ME1: variants seen among roughly 807,000 people sequenced by gnomAD.
The protein encoded by ME1 is NADP-dependent malic enzyme.
In ME1, 74 loss-of-function variants were observed where a neutral mutation model predicts 66.4. The ratio of observed to expected loss-of-function variants is 1.11; its 90% CI spans 0.92 to 1.35. The LOEUF is 1.35. Ranked by LOEUF, ME1 falls within the 40% of genes most tolerant of loss-of-function variation. ME1 has a pLI of 0.00. For missense variants in ME1, 750 were observed against 694.1 expected (o/e 1.08, Z -0.90); for synonymous variants, 251 against 235.6 (o/e 1.07, Z -0.60).
chr6:83,321,204 G>A (rs1466652957), intron 5 of ME1, among the ~76,000 whole-genome samples: 1 of 152,094 alleles, frequency 6.6e-6, no homozygotes, highest in African/African-American at 2.4e-5. Flanking sequence ...AACAGCCCTG[G>A]GTTTCAAGCA....
chr6:83,276,187 A>C (rs917381650), intron 6 of ME1, among the ~76,000 whole-genome samples: 1 of 152,192 alleles, frequency 6.6e-6, no homozygotes, highest in African/African-American at 2.4e-5. Flanking sequence ...GCAGTTGGCT[A>C]GCATTTAGGT....
intron 6 of ME1, among the ~76,000 whole-genome samples, chr6:83,294,146 G>C (rs1767553368): frequency 6.6e-6 from 1 of 152,092 alleles, no homozygotes; most frequent in Non-Finnish European, 1.5e-5. Context: ...AAATTCTTTT[G>C]CCACTGAAAT....
intron 13 of ME1, among the ~76,000 whole-genome samples, chr6:83,213,699 A>T (rs1355076993): frequency 6.6e-6 from 1 of 152,024 alleles, no homozygotes; most frequent in Non-Finnish European, 1.5e-5. Context: ...CAATATTTAT[A>T]TGACTGACTT....
At chr6:83,280,598 C>T (rs1445502570) in intron 6 of ME1, among the ~76,000 whole-genome samples, 7 of 152,204 alleles carry the variant, frequency 4.6e-5, no homozygotes, top group Non-Finnish European at 1.0e-4. Flanking sequence ...TTTGGAGCTA[C>T]TTATATTTCA....
intron 3 of ME1, among the ~76,000 whole-genome samples, chr6:83,368,259 T>C (rs1305046350): frequency 6.6e-6 from 1 of 151,238 alleles, no homozygotes; most frequent in Non-Finnish European, 1.5e-5. Context: ...TGAAATATTG[T>C]GAGAATTATC....
At chr6:83,303,021 G>A (rs1378023334) in intron 6 of ME1, among the ~76,000 whole-genome samples, 1 of 152,064 alleles carries the variant, frequency 6.6e-6, no homozygotes, top group Non-Finnish European at 1.5e-5. Context: ...CTGGGTTATG[G>A]TTATAGAAAT....
At chr6:83,224,945 T>C (rs910255870) in intron 11 of ME1, among the ~76,000 whole-genome samples, 7 of 151,314 alleles carry the variant, frequency 4.6e-5, no homozygotes, top group Non-Finnish European at 8.9e-5. Context: ...CTCACGCCTG[T>C]AATCCCAGCA....
chr6:83,280,103 G>A (rs1480754101), intron 6 of ME1, among the ~76,000 whole-genome samples: 1 of 152,066 alleles, frequency 6.6e-6, no homozygotes, highest in Admixed American at 6.5e-5. Context: ...CTGCCTTGCA[G>A]TAATATTAAA....
At chr6:83,294,710 A>T (rs966828676) in intron 6 of ME1, among the ~76,000 whole-genome samples, 3 of 152,130 alleles carry the variant, frequency 2.0e-5, no homozygotes, top group Non-Finnish European at 4.4e-5. Flanking sequence ...CATCTCCAGC[A>T]AGCTGCAGTT....
intron 13 of ME1, among the ~76,000 whole-genome samples, chr6:83,214,777 A>C (rs1562448417): frequency 6.6e-6 from 1 of 152,090 alleles, no homozygotes; most frequent in Non-Finnish European, 1.5e-5. Flanking sequence ...AAAATGGTAC[A>C]TTTGAATGTG....
At chr6:83,325,958 A>C (rs1768281933) in intron 5 of ME1, among the ~76,000 whole-genome samples, 1 of 151,672 alleles carries the variant, frequency 6.6e-6, no homozygotes, top group Non-Finnish European at 1.5e-5. Flanking sequence ...CAAAAAAAAA[A>C]AAAAACAAAG....
intron 6 of ME1, among the ~76,000 whole-genome samples, chr6:83,276,687 G>A (rs369945738): frequency 6.6e-6 from 1 of 151,940 alleles, no homozygotes; most frequent in Non-Finnish European, 1.5e-5. Flanking sequence ...TACAATTACA[G>A]TATACTAAAA....
chr6:83,256,433 GA>G (rs1165029034), intron 6 of ME1, among the ~76,000 whole-genome samples: 34 of 151,700 alleles, frequency 2.2e-4, no homozygotes, highest in African/African-American at 7.0e-4. Context: ...ATAAACATAT[GA>G]AAAAAAAGCT....
rs370483805 is a variant in ME1, at chr6:83,393,145, G to A, written c.362+5222C>T. The stretch of plus-strand genomic sequence containing the variant: ...ATGTCAGTGGTGGACCTGACCTGCC[G>A]TCTGGAAAAACCTACCAAATATGAT... On this transcript the variant is annotated intron_variant, in intron 3 of 13. Transcript: ENST00000369705. 1.2e-4 allele frequency: 162 copies of A among 1,355,650 alleles called. 1 individual carries two copies. In the Middle Eastern group the frequency reaches 2.3e-3, roughly 19 times the overall value. The allele number at this position is 1,355,650 out of a possible 1,614,324, so 84.0% of individuals were successfully genotyped here. A position where few individuals can be genotyped will look rare whatever the true frequency, so the allele number is the denominator to read the frequency against.
chr6:83,386,595 C>T (rs1222466273), intron 3 of ME1, among the ~76,000 whole-genome samples: 1 of 151,880 alleles, frequency 6.6e-6, no homozygotes, highest in Non-Finnish European at 1.5e-5. Flanking sequence ...GGCATGTCTA[C>T]TAACCTCTGG....
At chr6:83,219,127 T>C (rs1790042627) in intron 12 of ME1, among the ~76,000 whole-genome samples, 1 of 152,196 alleles carries the variant, frequency 6.6e-6, no homozygotes, top group Admixed American at 6.5e-5. Flanking sequence ...TTTAAAACAA[T>C]GACTGGGGCA....
chr6:83,322,040 A>C (rs1222228198), intron 5 of ME1, among the ~76,000 whole-genome samples: 3 of 152,254 alleles, frequency 2.0e-5, no homozygotes, highest in Non-Finnish European at 4.4e-5. Flanking sequence ...AGCAAACTCC[A>C]GCAGACCTGC....
At chr6:83,221,683 A>G (rs1790093994) in intron 12 of ME1, among the ~76,000 whole-genome samples, 1 of 151,952 alleles carries the variant, frequency 6.6e-6, no homozygotes, top group Admixed American at 6.6e-5. Flanking sequence ...AGAGATACAC[A>G]GATTTGGCCA....
At chr6:83,281,830 A>G (rs1264694509) in intron 6 of ME1, among the ~76,000 whole-genome samples, 5 of 143,408 alleles carry the variant, frequency 3.5e-5, no homozygotes, top group African/African-American at 7.5e-5. Flanking sequence ...AAAAAAAAAA[A>G]AAAAAGAAAA....
Sources: allele counts gnomAD v4.1 joint callset (sites outside exome capture counted in the v4.1 genomes callset), GRCh38; gene constraint gnomAD v4.1.1; transcripts MANE v1.5; gene names NCBI Gene and HGNC (gene_info 2026-07-23, HGNC 2026-07-21).